Variants in SNTG1 observed in about 807,000 individuals in gnomAD.
SNTG1 encodes the protein gamma-1-syntrophin.
Under a neutral mutation model 74.7 loss-of-function variants are expected in SNTG1, and 39 were observed. The ratio of observed to expected loss-of-function variants is 0.52; its 90% CI spans 0.40 to 0.68. The LOEUF is 0.68. SNTG1 is among the 30% of genes least tolerant of loss of function. The pLI, the probability that SNTG1 is intolerant of heterozygous loss-of-function variation, is 0.00. For missense variants in SNTG1, 685 were observed against 609.5 expected (o/e 1.12, Z -1.30); for synonymous variants, 254 against 217.1 (o/e 1.17, Z -1.49).
chr8:50,713,440 C>T (rs1031796216), intron 17 of SNTG1, among the ~76,000 whole-genome samples: 3 of 151,990 alleles, frequency 2.0e-5, no homozygotes, highest in Non-Finnish European at 4.4e-5. Flanking sequence ...AATTTTCTCC[C>T]ATTCTATAGG....
intron 1 of SNTG1, among the ~76,000 whole-genome samples, chr8:49,996,943 G>A (rs139570304): frequency 1.1e-3 from 165 of 152,264 alleles, no homozygotes; most frequent in Non-Finnish European, 1.7e-3. Flanking sequence ...CCAATAGTAA[G>A]ACGATTTGAA....
At chr8:50,098,877 CA>C in intron 1 of SNTG1, among the ~76,000 whole-genome samples, 1 of 152,104 alleles carries the variant, frequency 6.6e-6, no homozygotes, top group East Asian at 1.9e-4. Context: ...CATAACCTAG[CA>C]AAGAAGACAG....
rs186790838 is a variant in SNTG1, at chr8:50,785,886, C to T, written c.1396-6785C>T. Among the ~76,000 whole-genome samples, 40 of 151,592 alleles carry T rather than the reference C, an allele frequency of 2.6e-4. No individual in the cohort carries two copies. The East Asian group carries it at 3.7e-3, about 14-fold the overall frequency. ...CTTAAAATCAATCAGAGCAATACAC[C>T]GTATTAATTGAATAAGGACAAAAAT... On this transcript the variant is annotated intron_variant, in intron 18 of 18. Coordinates refer to ENST00000642720, the MANE Select transcript of SNTG1 (RefSeq NM_018967.5).
intron 2 of SNTG1, among the ~76,000 whole-genome samples, chr8:50,232,492 T>C (rs187593923): frequency 6.6e-6 from 1 of 151,558 alleles, no homozygotes; most frequent in East Asian, 1.9e-4. Flanking sequence ...TCATACATAA[T>C]GGTGAAAGAG....
At chr8:49,920,918 A>C (rs1806478824) in intron 1 of SNTG1, among the ~76,000 whole-genome samples, 1 of 152,096 alleles carries the variant, frequency 6.6e-6, no homozygotes, top group Non-Finnish European at 1.5e-5. Context: ...GCCAAATGAG[A>C]TAGTGTTTTT....
chr8:50,449,763 T>G, intron 6 of SNTG1, 38 bp downstream of exon 6: 1 of 1,491,890 alleles, frequency 6.7e-7, no homozygotes, highest in East Asian at 2.4e-5. Flanking sequence ...GCCATTTCTT[T>G]AAGGCATTGT....
intron 11 of SNTG1, among the ~76,000 whole-genome samples, chr8:50,539,268 G>T (rs1434276020): frequency 6.6e-6 from 1 of 152,096 alleles, no homozygotes; most frequent in Non-Finnish European, 1.5e-5. Flanking sequence ...TAAATGTTGA[G>T]ATTCAGATTA....
At chr8:50,156,819 G>T (rs896463865) in intron 1 of SNTG1, among the ~76,000 whole-genome samples, 4 of 151,952 alleles carry the variant, frequency 2.6e-5, no homozygotes, top group Non-Finnish European at 4.4e-5. Flanking sequence ...AACCATCTTG[G>T]GCTACCACGT....
At chr8:50,342,424 C>T (rs562065210) in intron 2 of SNTG1, among the ~76,000 whole-genome samples, 7 of 152,164 alleles carry the variant, frequency 4.6e-5, no homozygotes, top group East Asian at 1.9e-4. Flanking sequence ...AAGAAATGTT[C>T]GTGGTGAACC....
chr8:50,191,598 T>C (rs1390796207), intron 2 of SNTG1, among the ~76,000 whole-genome samples: 1 of 152,170 alleles, frequency 6.6e-6, no homozygotes. Context: ...CTGGGATACA[T>C]ATGCAGAACA....
intron 12 of SNTG1, among the ~76,000 whole-genome samples, chr8:50,555,128 G>A (rs1018330904): frequency 2.0e-5 from 3 of 152,132 alleles, no homozygotes; most frequent in African/African-American, 7.2e-5. Flanking sequence ...GGAGGGACAA[G>A]CCGCATTTTA....
intron 2 of SNTG1, among the ~76,000 whole-genome samples, chr8:50,332,688 C>G (rs1037552781): frequency 8.5e-5 from 13 of 152,140 alleles, no homozygotes; most frequent in African/African-American, 2.7e-4. Context: ...CTGAGGCAAT[C>G]TTCTCTCTGT....
At chr8:50,297,297 T>C (rs918759034) in intron 2 of SNTG1, among the ~76,000 whole-genome samples, 1 of 152,140 alleles carries the variant, frequency 6.6e-6, no homozygotes, top group African/African-American at 2.4e-5. Flanking sequence ...CAAGTTAAAT[T>C]AGGCAGAATA....
At chr8:50,646,815 T>A (rs2095112204) in intron 13 of SNTG1, among the ~76,000 whole-genome samples, 1 of 152,144 alleles carries the variant, frequency 6.6e-6, no homozygotes. Flanking sequence ...CAACCTCAAA[T>A]CTTACTATAA....
intron 1 of SNTG1, among the ~76,000 whole-genome samples, chr8:50,128,643 TTA>T (rs1315662538): frequency 1.3e-5 from 2 of 152,094 alleles, no homozygotes; most frequent in East Asian, 3.9e-4. Context: ...TTTTTGTTGG[TTA>T]TTGTTTCTCC....
chr8:50,648,853 T>G lies in SNTG1; in HGVS notation c.850-8056T>G, dbSNP rs183816177. Among the ~76,000 whole-genome samples, 461 of 152,276 alleles carry G rather than the reference T, an allele frequency of 3.0e-3. 3 individuals carry two copies. The highest frequency in any genetic ancestry group is 0.011 in the African/African-American group (444 of 41,560). On this transcript the variant is annotated intron_variant, in intron 13 of 18. Coordinates refer to ENST00000642720, the MANE Select transcript of SNTG1 (RefSeq NM_018967.5). ...CACAACTGACTTTCTCTCCTCTCAC[T>G]TAACTGTTATCCTGAAAGGCTTGAT...
At chr8:50,684,219 A>T (rs186550369) in intron 15 of SNTG1, among the ~76,000 whole-genome samples, 104 of 152,306 alleles carry the variant, frequency 6.8e-4, no homozygotes, top group Admixed American at 2.2e-3. Flanking sequence ...CTGGAAAACC[A>T]CATGCTCTCT....
chr8:50,410,270 G>A (rs1267452787), intron 4 of SNTG1, among the ~76,000 whole-genome samples: 1 of 152,132 alleles, frequency 6.6e-6, no homozygotes, highest in Non-Finnish European at 1.5e-5. Context: ...TGCAGGCCTA[G>A]ATAGGAACAT....
chr8:50,333,563 T>G (rs1476594666), intron 2 of SNTG1, among the ~76,000 whole-genome samples: 1 of 152,224 alleles, frequency 6.6e-6, no homozygotes, highest in Non-Finnish European at 1.5e-5. Context: ...TTATTTCTTA[T>G]TATGCTGGAA....
Sources: gnomAD v4.1 joint callset for allele counts (sites outside exome capture counted in the v4.1 genomes callset) on GRCh38, gnomAD v4.1.1 for gene constraint, MANE v1.5 for transcripts, NCBI Gene and HGNC (gene_info 2026-07-23, HGNC 2026-07-21) for gene names.